The following ACSM1 variants were observed in gnomAD, a reference collection of about 807,000 sequenced individuals.
ACSM1 encodes acyl-CoA synthetase medium chain family member 1.
In ACSM1, 79 loss-of-function variants were observed where a neutral mutation model predicts 75.8. The observed-to-expected ratio is 1.04, with a 90% confidence interval of 0.87 to 1.26. The LOEUF (loss-of-function observed/expected upper bound fraction) is 1.26, where lower values mean the gene tolerates loss of function less well. Among genes scored for constraint, ACSM1 ranks in the 50% most tolerant of loss-of-function variants. The pLI, the probability that ACSM1 is intolerant of heterozygous loss-of-function variation, is 0.00. For missense variants in ACSM1, 676 were observed against 720.1 expected (o/e 0.94, Z 0.70); for synonymous variants, 279 against 265.8 (o/e 1.05, Z -0.48).
At chr16:20,646,452 C>A (rs935230249) in intron 7 of ACSM1, among the ~76,000 whole-genome samples, 3 of 152,122 alleles carry the variant, frequency 2.0e-5, no homozygotes, top group Non-Finnish European at 4.4e-5. Context: ...TATGCTTGAC[C>A]ATTGAGGGCC....
intron 7 of ACSM1, among the ~76,000 whole-genome samples, chr16:20,647,995 A>G (rs1049401082): frequency 6.6e-6 from 1 of 152,214 alleles, no homozygotes; most frequent in Non-Finnish European, 1.5e-5. Flanking sequence ...TTACCAATAA[A>G]TAGCATGGGC....
At chr16:20,687,103 T>C (rs973154784) in intron 2 of ACSM1, among the ~76,000 whole-genome samples, 1 of 151,846 alleles carries the variant, frequency 6.6e-6, no homozygotes, top group Admixed American at 6.6e-5. Context: ...GTGAAACTTG[T>C]TTACAATGTT....
At chr16:20,677,152 G>A (rs2020336115) in intron 4 of ACSM1, among the ~76,000 whole-genome samples, 1 of 151,626 alleles carries the variant, frequency 6.6e-6, no homozygotes, top group South Asian at 2.1e-4. Flanking sequence ...CTAGCTTATG[G>A]CTAAGCCACA....
At chr16:20,697,343 C>T (rs750610138) in intron 1 of ACSM1, among the ~76,000 whole-genome samples, 2 of 152,144 alleles carry the variant, frequency 1.3e-5, no homozygotes, top group African/African-American at 2.4e-5. Context: ...CTGTCTCCCA[C>T]GGCTCACCAC....
rs1051805604 is a variant in ACSM1, at chr16:20,652,060, C to T, written c.992+9734G>A. Among the ~76,000 whole-genome samples the T allele has an allele frequency of 2.6e-5, 4 of 152,080 alleles. No individual in the cohort carries two copies. In the East Asian group the frequency reaches 7.7e-4, roughly 29 times the overall value. On this transcript the variant is annotated intron_variant, in intron 7 of 13. Coordinates refer to ENST00000520010, the MANE Select transcript of ACSM1 (RefSeq NM_001318890.3). ...AATACTGAATTATTGGTATAAATAT[C>T]CTTAAAACTAACCATAAGTTTTATT...
At chr16:20,633,950 T>C (rs1250355423) in intron 10 of ACSM1, among the ~76,000 whole-genome samples, 1 of 151,998 alleles carries the variant, frequency 6.6e-6, no homozygotes, top group Non-Finnish European at 1.5e-5. Flanking sequence ...GAGAATAAAG[T>C]TGGAAAACTC....
intron 4 of ACSM1, among the ~76,000 whole-genome samples, chr16:20,672,496 A>ATATATATATATATATATATATAT (rs1491253053): frequency 8.8e-6 from 1 of 113,500 alleles, no homozygotes; most frequent in African/African-American, 3.6e-5. Context: ...ATATATATAT[A>ATATATATATATATATATATATAT]AAAAACATAT....
intron 7 of ACSM1, among the ~76,000 whole-genome samples, chr16:20,649,545 TTCTC>T (rs146266221): frequency 1.3e-5 from 2 of 149,984 alleles, no homozygotes; most frequent in South Asian, 2.1e-4. Flanking sequence ...TTACAACCTG[TTCTC>T]TCTCTCTCTC....
intron 7 of ACSM1, among the ~76,000 whole-genome samples, chr16:20,653,191 C>CA (rs2018746694): frequency 6.6e-6 from 1 of 152,050 alleles, no homozygotes; most frequent in Non-Finnish European, 1.5e-5. Context: ...AGGCCTTTGA[C>CA]AAAATTCAAC....
At chr16:20,685,847 C>CAAAAAAAAAAAA (rs1491230287) in intron 2 of ACSM1, among the ~76,000 whole-genome samples, 1 of 91,032 alleles carries the variant, frequency 1.1e-5, no homozygotes, top group Non-Finnish European at 2.2e-5. Flanking sequence ...AAAAAAAAAA[C>CAAAAAAAAAAAA]AAAAAACTTA....
intron 1 of ACSM1, among the ~76,000 whole-genome samples, chr16:20,693,644 A>G (rs2079674776): frequency 6.6e-6 from 1 of 152,180 alleles, no homozygotes; most frequent in Non-Finnish European, 1.5e-5. Context: ...GCTGGAGCTG[A>G]GAATTGTCTG....
chr16:20,625,845 A>G (rs1436404762), intron 11 of ACSM1, among the ~76,000 whole-genome samples: 1 of 152,210 alleles, frequency 6.6e-6, no homozygotes, highest in Non-Finnish European at 1.5e-5. Flanking sequence ...TTGGTCTTAA[A>G]CATTCATGCA....
chr16:20,625,317 A>C, intron 12 of ACSM1, 106 bp downstream of exon 12: 1 of 1,094,874 alleles, frequency 9.1e-7, no homozygotes, highest in Non-Finnish European at 1.3e-6. Context: ...GCACATGCAC[A>C]CTATGCCCTT....
intron 7 of ACSM1, among the ~76,000 whole-genome samples, chr16:20,642,204 A>T (rs1352331228): frequency 6.6e-6 from 1 of 152,218 alleles, no homozygotes; most frequent in African/African-American, 2.4e-5. Context: ...TAAACAGATG[A>T]TGAGGCAGAT....
chr16:20,680,044 AC>A (rs2079406986), intron 4 of ACSM1: 1 of 152,210 alleles, frequency 6.6e-6, no homozygotes, highest in African/African-American at 2.4e-5. Flanking sequence ...TGTACAAAGA[AC>A]CACAAATCGG....
chr16:20,661,075 C>T (rs1274820989), intron 7 of ACSM1, among the ~76,000 whole-genome samples: 2 of 152,148 alleles, frequency 1.3e-5, no homozygotes, highest in African/African-American at 4.8e-5. Flanking sequence ...TACAGAAATG[C>T]ATGCTTGTAC....
intron 7 of ACSM1, among the ~76,000 whole-genome samples, chr16:20,640,869 GT>G (rs1481295001): frequency 3.3e-5 from 5 of 152,340 alleles, no homozygotes; most frequent in Middle Eastern, 6.8e-3. Context: ...GGAGAACTGT[GT>G]GTTTATCAGA....
chr16:20,669,441 A>AACACACACAC (rs71149170), intron 6 of ACSM1, among the ~76,000 whole-genome samples: 415 of 141,352 alleles, frequency 2.9e-3, no homozygotes, highest in African/African-American at 0.01. Flanking sequence ...TGAGTAAGAA[A>AACACACACAC]ACACACACAC....
intron 2 of ACSM1, among the ~76,000 whole-genome samples, chr16:20,685,801 C>T (rs1259234783): frequency 7.8e-6 from 1 of 127,558 alleles, no homozygotes; most frequent in Non-Finnish European, 1.6e-5. Flanking sequence ...GCCTGGATGA[C>T]ACAGTGAGAC....
Sources: allele counts gnomAD v4.1 joint callset (sites outside exome capture counted in the v4.1 genomes callset), GRCh38; gene constraint gnomAD v4.1.1; transcripts MANE v1.5; gene names NCBI Gene and HGNC (gene_info 2026-07-23, HGNC 2026-07-21).